COL5A2: variants seen among roughly 807,000 people sequenced by gnomAD.
COL5A2 encodes collagen type V alpha 2 chain.
Under a neutral mutation model 208.2 loss-of-function variants are expected in COL5A2, and 23 were observed. The observed-to-expected ratio is 0.11, with a 90% CI of 0.08 to 0.16. COL5A2 has a LOEUF of 0.16. Among genes scored for constraint, COL5A2 ranks in the 10% least tolerant of loss-of-function variants. The pLI is 1.00. For synonymous variants in COL5A2, 625 were observed against 628.5 expected, an observed-to-expected ratio of 0.99 and a Z score of 0.08; for missense variants, 1,590 against 1,956.4, an observed-to-expected ratio of 0.81 and a Z score of 3.53.
chr2:189,156,765 G>T (rs1688256121), intron 1 of COL5A2, among the ~76,000 whole-genome samples: 1 of 152,062 alleles, frequency 6.6e-6, no homozygotes, highest in South Asian at 2.1e-4. Context: ...CAAACTCACA[G>T]TGTAAAATCA....
chr2:189,425,604 C>T, the COL5A2 span, among the ~76,000 whole-genome samples: 6 of 152,130 alleles, frequency 3.9e-5, no homozygotes, highest in African/African-American at 1.4e-4. Context: ...TGCAGAAAGA[C>T]AAATACCACA....
At chr2:189,291,393 C>T in the COL5A2 span, among the ~76,000 whole-genome samples, 2 of 152,216 alleles carry the variant, frequency 1.3e-5, no homozygotes, top group South Asian at 4.1e-4. Flanking sequence ...CATTATTTCA[C>T]CATTCACTAA....
the COL5A2 span, among the ~76,000 whole-genome samples, chr2:189,433,613 C>T: frequency 1.3e-5 from 2 of 151,952 alleles, no homozygotes; most frequent in East Asian, 3.9e-4. Context: ...ACACATACAC[C>T]CTCCCAAGAC....
intron 1 of COL5A2, among the ~76,000 whole-genome samples, chr2:189,221,294 C>T (rs1471287015): frequency 1.3e-5 from 2 of 152,104 alleles, no homozygotes; most frequent in Admixed American, 6.6e-5. Context: ...CAGAATCATG[C>T]TTTTGTTGCA....
intron 1 of COL5A2, among the ~76,000 whole-genome samples, chr2:189,189,416 T>C (rs1688895922): frequency 6.6e-6 from 1 of 152,162 alleles, no homozygotes; most frequent in African/African-American, 2.4e-5. Flanking sequence ...TAAAAATATA[T>C]GATGCCCCTG....
chr2:189,086,754 C>G lies in COL5A2; in HGVS notation c.662G>C (p.Arg221Thr), dbSNP rs1333067692. The stretch of plus-strand genomic sequence containing the variant: ...CTGTCCTTGTAAACCCTGTGGTCCC[C>G]TTGGGCCAACAGGACCCTTAAAAAC... Reference protein sequence around the residue: ...MPGSVGPVGPRGPQGLQGQQG... With the variant: ...MPGSVGPVGPTGPQGLQGQQG... The change falls in exon 9 of 54, where the codon AGG becomes ACG. Residue 221 changes from arginine (R) to threonine (T), a missense_variant. By Grantham distance (71) the Arg-to-Thr change is moderately conservative (BLOSUM62 -1). Coordinates refer to ENST00000374866, the MANE Select transcript of COL5A2 (RefSeq NM_000393.5). The G allele has an allele frequency of 6.3e-7, 1 of 1,583,262 alleles. No homozygotes were observed. The highest frequency in any genetic ancestry group is 8.6e-7 in the Non-Finnish European group (1 of 1,161,260).
intron 36 of COL5A2, 37 bp downstream of exon 36, chr2:189,054,122 T>C: frequency 6.3e-7 from 1 of 1,579,732 alleles, no homozygotes; most frequent in Non-Finnish European, 8.7e-7. Flanking sequence ...TCAGGACTCA[T>C]AATTTTGAGT....
the COL5A2 span, among the ~76,000 whole-genome samples, chr2:189,403,857 C>T: frequency 6.6e-5 from 10 of 152,086 alleles, no homozygotes; most frequent in African/African-American, 1.7e-4. Context: ...CTCAGCCTCC[C>T]GAGTAGCTGG....
rs190851371 is a variant in COL5A2 at position 189,104,223 on chromosome 2, A to T, written c.336+41T>A. On this transcript the variant is annotated intron_variant, in intron 3 of 53. Transcript: ENST00000374866. ...TTCTGTGTGGATAGTATTGGATATA[A>T]GTCTGCTTATGAAAAAGAAAATATG... is the stretch of plus-strand genomic sequence containing the variant. 7.7e-6 allele frequency: 11 copies of T among 1,423,258 alleles called. No individual in the cohort carries two copies. In the Admixed American group the frequency reaches 1.9e-4, roughly 24 times the overall value. The allele number at this position is 1,423,258 out of a possible 1,614,324, so 88.2% of individuals were successfully genotyped here.
At chr2:189,292,365 A>T in the COL5A2 span, among the ~76,000 whole-genome samples, 1 of 152,290 alleles carries the variant, frequency 6.6e-6, no homozygotes, top group Admixed American at 6.5e-5. Flanking sequence ...GACATTGGCC[A>T]TTCTGCTGCT....
chr2:189,238,399 A>G, the COL5A2 span, among the ~76,000 whole-genome samples: 1 of 152,106 alleles, frequency 6.6e-6, no homozygotes, highest in African/African-American at 2.4e-5. Context: ...ATTAATTCAA[A>G]ATTCAAAAGG....
the COL5A2 span, among the ~76,000 whole-genome samples, chr2:189,326,905 T>C: frequency 2.0e-5 from 3 of 151,816 alleles, no homozygotes; most frequent in Admixed American, 6.6e-5. Flanking sequence ...ACCACATCTC[T>C]ACTAAAAATA....
the COL5A2 span, among the ~76,000 whole-genome samples, chr2:189,314,252 C>T: frequency 6.6e-6 from 1 of 152,080 alleles, no homozygotes; most frequent in Non-Finnish European, 1.5e-5. Flanking sequence ...GTCTCTCAGA[C>T]CACAGTACAA....
At chr2:189,243,491 C>G in the COL5A2 span, among the ~76,000 whole-genome samples, 1 of 152,138 alleles carries the variant, frequency 6.6e-6, no homozygotes, top group East Asian at 1.9e-4. Flanking sequence ...ATCATCAGAG[C>G]TGGTAAGACT....
chr2:189,032,894 A>G lies in COL5A2; in HGVS notation c.*1176T>C, dbSNP rs1685364425. 1 of 152,578 alleles carries G rather than the reference A, an allele frequency of 6.6e-6. No homozygotes were observed. The highest frequency in any genetic ancestry group is 1.5e-5 in the Non-Finnish European group (1 of 68,002). 9.5% of individuals were successfully genotyped at this position (152,578 alleles called of 1,614,324 possible). On this transcript the variant is annotated 3_prime_UTR_variant, in exon 54 of 54. Coordinates refer to ENST00000374866, the MANE Select transcript of COL5A2 (RefSeq NM_000393.5). The stretch of plus-strand genomic sequence containing the variant: ...ATTTTAGCACCATCATTAAAGGAAA[A>G]ATAATAATACCTTTTTAGCCCTGCC...
chr2:189,406,807 A>T, the COL5A2 span, among the ~76,000 whole-genome samples: 121,921 of 151,968 alleles, frequency 0.8, 50,370 homozygotes, highest in Non-Finnish European at 0.9. Flanking sequence ...TGCAAGATAA[A>T]CTCTTGTCTT....
chr2:189,080,868 T>C (rs540685468), intron 13 of COL5A2, 122 bp downstream of exon 13: 1 of 812,646 alleles, frequency 1.2e-6, no homozygotes, highest in South Asian at 1.4e-5. Context: ...AGATGAATAC[T>C]GCAACCATAG....
At chr2:189,226,061 A>C (rs1273584582), upstream of COL5A2, among the ~76,000 whole-genome samples, 1 of 152,210 alleles carries the variant, frequency 6.6e-6, no homozygotes, top group Admixed American at 6.5e-5. Flanking sequence ...CAATGCTTTT[A>C]TGAATATTAA....
At chr2:189,220,460 G>A (rs1258094618) in intron 1 of COL5A2, among the ~76,000 whole-genome samples, 3 of 91,574 alleles carry the variant, frequency 3.3e-5, no homozygotes, top group Non-Finnish European at 6.0e-5. Flanking sequence ...TAATAAGCTC[G>A]GTGTATTAAC....
Sources: allele counts gnomAD v4.1 joint callset (sites outside exome capture counted in the v4.1 genomes callset), GRCh38; gene constraint gnomAD v4.1.1; transcripts MANE v1.5; gene names NCBI Gene and HGNC (gene_info 2026-07-23, HGNC 2026-07-21).